Variants in KCNH8 observed in about 807,000 individuals in gnomAD.
KCNH8 encodes the protein voltage-gated delayed rectifier potassium channel KCNH8.
In KCNH8, 70 loss-of-function variants were observed where a neutral mutation model predicts 103.6. The observed-to-expected ratio is 0.68, with a 90% CI of 0.56 to 0.82. KCNH8 has a LOEUF of 0.82. Ranked by LOEUF, KCNH8 falls within the 40% of genes least tolerant of loss-of-function variation. The probability of loss-of-function intolerance (pLI) is 0.00; values close to 1 mark genes in which losing one functional copy is unlikely to be tolerated. For synonymous variants in KCNH8, 498 were observed against 489.4 expected, an observed-to-expected ratio of 1.02 and a Z score of -0.23; for missense variants, 1,217 against 1,329.9, an observed-to-expected ratio of 0.92 and a Z score of 1.32.
rs3067331 is a variant in KCNH8, at chr3:19,335,483, G to GTATATATA, written c.443-7085_443-7078dup. Among the ~76,000 whole-genome samples, 52 of 141,360 alleles carry GTATATATA rather than the reference G, an allele frequency of 3.7e-4. 1 individual carries two copies. Among genetic ancestry groups the GTATATATA allele is most frequent in the Non-Finnish European group, 1.1e-4 (7 of 64,846 alleles). 92.7% of individuals were successfully genotyped at this position (141,360 alleles called of 152,430 possible). A position where few individuals can be genotyped will look rare whatever the true frequency, so the allele number is the denominator to read the frequency against. On this transcript the variant is annotated intron_variant, in intron 3 of 15. Transcript: ENST00000328405. ...TGTGTGTGTGTATATATATGTGTGT[G>GTATATATA]TATATATATATATATATATATATAT...
At chr3:19,181,786 T>C (rs2063455557) in intron 1 of KCNH8, among the ~76,000 whole-genome samples, 1 of 152,214 alleles carries the variant, frequency 6.6e-6, no homozygotes, top group Non-Finnish European at 1.5e-5. Context: ...AAGGAACTGA[T>C]GATCCCTAAT....
Position 19,342,668 on chromosome 3 carries a change from C to G in KCNH8, c.524C>G (p.Ser175Cys), listed in dbSNP as rs548296338. 40 of 1,610,848 alleles carry G rather than the reference C, an allele frequency of 2.5e-5. No individual in the cohort carries two copies. In the East Asian group the frequency reaches 7.8e-4, roughly 31 times the overall value. The change falls in exon 4 of 16, where the codon TCT becomes TGT. Residue 175 changes from serine to cysteine, a missense_variant. Around this residue, in one of 3 missense-constraint regions of KCNH8, gnomAD observed 244 missense variants for 256.8 expected, o/e 0.95. Transcript: ENST00000328405. Reference protein sequence around the residue: ...RRSRAVLYHISGHLQRREKNK... With the variant: ...RRSRAVLYHICGHLQRREKNK... ...AGTCGAGCAGTCCTTTATCACATCT[C>G]TGGGCACCTGCAAAGAAGAGAAAAG... is the stretch of plus-strand genomic sequence containing the variant.
intron 1 of KCNH8, among the ~76,000 whole-genome samples, chr3:19,195,266 G>C (rs1452046990): frequency 6.6e-6 from 1 of 151,868 alleles, no homozygotes; most frequent in Non-Finnish European, 1.5e-5. Flanking sequence ...GAAGTTCTAA[G>C]ATGCCAGTGT....
chr3:19,502,918 T>C (rs913477477), intron 11 of KCNH8, among the ~76,000 whole-genome samples: 4 of 151,984 alleles, frequency 2.6e-5, no homozygotes, highest in African/African-American at 7.3e-5. Context: ...AAAGCCAGAA[T>C]TGACAAATGG....
At chr3:19,241,719 CACAG>C (rs1436651251) in intron 1 of KCNH8, among the ~76,000 whole-genome samples, 4 of 129,242 alleles carry the variant, frequency 3.1e-5, no homozygotes, top group African/African-American at 1.1e-4. Flanking sequence ...AAAATACACA[CACAG>C]ACACACACAC....
chr3:19,367,188 C>T (rs1020170818), intron 5 of KCNH8, among the ~76,000 whole-genome samples: 6 of 151,870 alleles, frequency 4.0e-5, no homozygotes, highest in Admixed American at 2.6e-4. Context: ...AATGGCAAGA[C>T]ATCTCCTTAG....
At chr3:19,263,866 G>C (rs1231161594) in intron 2 of KCNH8, among the ~76,000 whole-genome samples, 4 of 152,004 alleles carry the variant, frequency 2.6e-5, no homozygotes, top group Non-Finnish European at 5.9e-5. Context: ...CAACAGGCAA[G>C]AGAGCATTTG....
At chr3:19,512,170 G>C (rs1208718563) in intron 12 of KCNH8, among the ~76,000 whole-genome samples, 1 of 152,206 alleles carries the variant, frequency 6.6e-6, no homozygotes, top group Non-Finnish European at 1.5e-5. Context: ...CAGTGACTCT[G>C]TTGAGGGCCA....
chr3:19,375,858 C>A (rs1264598564), intron 5 of KCNH8, among the ~76,000 whole-genome samples: 2 of 151,980 alleles, frequency 1.3e-5, no homozygotes, highest in Non-Finnish European at 2.9e-5. Flanking sequence ...TGTTGGAGTA[C>A]CCTACTGTGT....
chr3:19,163,712 C>T (rs1385661169), intron 1 of KCNH8, among the ~76,000 whole-genome samples: 3 of 152,110 alleles, frequency 2.0e-5, no homozygotes, highest in African/African-American at 7.2e-5. Context: ...GATTTTCTTC[C>T]ACCTCTGCCT....
At chr3:19,170,613 T>TATATATATAC (rs537607586) in intron 1 of KCNH8, among the ~76,000 whole-genome samples, 2 of 143,212 alleles carry the variant, frequency 1.4e-5, no homozygotes, top group African/African-American at 5.4e-5. Flanking sequence ...TATATATGTA[T>TATATATATAC]ACACACACAT....
At position 19,515,396 on chromosome 3, in the gene KCNH8, G is replaced by C. The variant is rs749936133; in HGVS notation, c.2510G>C (p.Arg837Thr). The change falls in exon 14 of 16, where the codon AGA becomes ACA. Residue 837 changes from arginine (R) to threonine (T), a missense_variant. Physicochemically the swap from Arg to Thr is moderately conservative, Grantham distance 71. Transcript: ENST00000328405. ...TTTGATTTTGGCTCTGAACGAATCA[G>C]ATCAGAGCCCAGAATTTCTCCTCCT... The part of the protein sequence containing the change: ...QTFDFGSERI[R>T]SEPRISPPLG... 7 of 1,562,196 alleles carry C rather than the reference G, an allele frequency of 4.5e-6. No homozygotes were observed. The highest frequency in any genetic ancestry group is 3.7e-5 in the Admixed American group (2 of 53,380).
intron 11 of KCNH8, among the ~76,000 whole-genome samples, chr3:19,487,805 T>C (rs1403727372): frequency 1.3e-5 from 2 of 152,150 alleles, no homozygotes; most frequent in African/African-American, 2.4e-5. Context: ...GCTAAGCAAG[T>C]CTCTTCCCAG....
rs182339308 is a variant in KCNH8 at position 19,312,452 on chromosome 3, A to G, written c.443-30135A>G. The stretch of plus-strand genomic sequence containing the variant: ...TTGGGTAGTCCTTTAATACTCTCTC[A>G]GTCTTGGGCTTGAGTTTCCTCGTAC... On this transcript the variant is annotated intron_variant, in intron 3 of 15. Transcript: ENST00000328405. 9.8e-4 allele frequency among the ~76,000 whole-genome samples: 149 copies of G among 151,928 alleles called. No homozygotes were observed. The Middle Eastern group carries it at 0.014, about 14-fold the overall frequency.
intron 2 of KCNH8, among the ~76,000 whole-genome samples, chr3:19,274,842 A>ACCCCTCCCCT (rs1183381486): frequency 1.2e-4 from 1 of 8,212 alleles, no homozygotes; most frequent in African/African-American, 5.8e-4. Flanking sequence ...TCCCCTCCCC[A>ACCCCTCCCCT]CCCCTCCCCT....
At chr3:19,384,511 C>G (rs778467099) in intron 5 of KCNH8, among the ~76,000 whole-genome samples, 8 of 152,032 alleles carry the variant, frequency 5.3e-5, no homozygotes, top group Non-Finnish European at 1.2e-4. Context: ...TTTAAGTTGG[C>G]AAAAGTTCAC....
chr3:19,316,166 C>T (rs2065271342), intron 3 of KCNH8, among the ~76,000 whole-genome samples: 1 of 151,836 alleles, frequency 6.6e-6, no homozygotes, highest in South Asian at 2.1e-4. Flanking sequence ...AATTGGTATT[C>T]AGTAGGTTTT....
intron 5 of KCNH8, 92 bp downstream of exon 5, chr3:19,348,057 A>C: frequency 6.8e-7 from 1 of 1,463,002 alleles, no homozygotes; most frequent in Non-Finnish European, 9.3e-7. Context: ...ACTAAGATCC[A>C]TTTGCATGGG....
intron 3 of KCNH8, among the ~76,000 whole-genome samples, chr3:19,317,327 ATG>A (rs1297004007): frequency 2.0e-5 from 3 of 151,908 alleles, no homozygotes; most frequent in Non-Finnish European, 2.9e-5. Flanking sequence ...ATTATTTTTA[ATG>A]TGTTTTATAA....
Sources: gnomAD v4.1 joint callset for allele counts (sites outside exome capture counted in the v4.1 genomes callset) on GRCh38, gnomAD v4.1.1 for gene constraint, gnomAD v4.1.1 regional missense constraint, MANE v1.5 for transcripts, NCBI Gene and HGNC (gene_info 2026-07-23, HGNC 2026-07-21) for gene names.